LPP: variants seen among roughly 807,000 people sequenced by gnomAD.
The protein encoded by LPP is LIM domain containing preferred translocation partner in lipoma, also known as lipoma-preferred partner.
In LPP, 38 loss-of-function variants were observed where a neutral mutation model predicts 60.4. The observed-to-expected ratio is 0.63, with a 90% CI of 0.49 to 0.83. The LOEUF is 0.83. Among genes scored for constraint, LPP ranks in the 40% least tolerant of loss-of-function variants. The pLI is 0.00. For missense variants in LPP, 902 were observed against 783.6 expected (o/e 1.15, Z -1.80); for synonymous variants, 328 against 290.8 (o/e 1.13, Z -1.30).
chr3:188,563,797 A>G (rs982928685), intron 6 of LPP, among the ~76,000 whole-genome samples: 1 of 148,646 alleles, frequency 6.7e-6, no homozygotes, highest in African/African-American at 2.5e-5. Context: ...TAGAATCCTC[A>G]TCTTAGCTCA....
chr3:188,630,421 T>C (rs1309700942), intron 7 of LPP, among the ~76,000 whole-genome samples: 3 of 152,124 alleles, frequency 2.0e-5, no homozygotes. Flanking sequence ...TGAGATTCCT[T>C]CTGACACCAC....
At chr3:188,806,647 T>G (rs1010201822) in intron 9 of LPP, among the ~76,000 whole-genome samples, 3 of 151,966 alleles carry the variant, frequency 2.0e-5, no homozygotes, top group African/African-American at 7.2e-5. Flanking sequence ...TAAATGTTTT[T>G]CACAATTCCA....
At chr3:188,591,943 T>A (rs1321157566) in intron 6 of LPP, among the ~76,000 whole-genome samples, 1 of 152,204 alleles carries the variant, frequency 6.6e-6, no homozygotes, top group East Asian at 1.9e-4. Flanking sequence ...GAAAGAAGAT[T>A]ATCTGATACA....
At chr3:188,558,903 T>G (rs1830065948) in intron 6 of LPP, among the ~76,000 whole-genome samples, 1 of 152,114 alleles carries the variant, frequency 6.6e-6, no homozygotes, top group Non-Finnish European at 1.5e-5. Context: ...CAGCACTGCT[T>G]TTGTTCTATT....
At chr3:188,738,191 C>T (rs1237686219) in intron 8 of LPP, among the ~76,000 whole-genome samples, 1 of 152,036 alleles carries the variant, frequency 6.6e-6, no homozygotes, top group Non-Finnish European at 1.5e-5. Flanking sequence ...AATGAGTCCC[C>T]GAAAGTGTTT....
At chr3:188,497,402 T>G (rs1191318952) in intron 5 of LPP, among the ~76,000 whole-genome samples, 1 of 152,228 alleles carries the variant, frequency 6.6e-6, no homozygotes, top group African/African-American at 2.4e-5. Context: ...AATTTTAGTA[T>G]TTTCTTCATT....
chr3:188,851,613 A>G (rs1762698503), intron 9 of LPP, among the ~76,000 whole-genome samples: 1 of 152,248 alleles, frequency 6.6e-6, no homozygotes, highest in Admixed American at 6.5e-5. Flanking sequence ...GGCCATGTCC[A>G]AAATTTAATA....
At chr3:188,406,460 G>A (rs758454120) in intron 4 of LPP, 147 bp downstream of exon 4, 13 of 721,942 alleles carry the variant, frequency 1.8e-5, no homozygotes, top group African/African-American at 3.6e-5. Flanking sequence ...AGGAGCCCCC[G>A]GAAATAGTCT....
rs371919896 is a variant in LPP, at chr3:188,717,774, A to G, written c.1240+9381A>G. Reference sequence around the variant, plus strand: ...TAATTCTGAGCATTTTATGTGTTCTATCTTAGCATACATTAATTTTTTATT... The same window carrying G: ...TAATTCTGAGCATTTTATGTGTTCTGTCTTAGCATACATTAATTTTTTATT... On this transcript the variant is annotated intron_variant, in intron 8 of 11. Transcript: ENST00000617246. Among the ~76,000 whole-genome samples the G allele has an allele frequency of 1.9e-4, 29 of 152,298 alleles. No individual in the cohort carries two copies. In the East Asian group the frequency reaches 5.0e-3, roughly 26 times the overall value.
chr3:188,770,319 C>A (rs576495696), intron 9 of LPP, among the ~76,000 whole-genome samples: 1 of 148,880 alleles, frequency 6.7e-6, no homozygotes, highest in Admixed American at 6.7e-5. Flanking sequence ...GTTGGGACTA[C>A]AAGCACCCGC....
At chr3:188,761,258 C>T (rs996927690) in intron 9 of LPP, among the ~76,000 whole-genome samples, 5 of 152,174 alleles carry the variant, frequency 3.3e-5, no homozygotes, top group African/African-American at 1.2e-4. Flanking sequence ...ACAAGGTTCA[C>T]ATTTATTGAA....
chr3:188,544,837 A>G lies in LPP; in HGVS notation c.429+20050A>G, dbSNP rs567663829. Among the ~76,000 whole-genome samples the G allele has an allele frequency of 3.8e-4, 7 of 18,648 alleles. No individual in the cohort carries two copies. In the South Asian group the frequency reaches 8.4e-3, roughly 22 times the overall value. 12.2% of individuals were successfully genotyped at this position (18,648 alleles called of 152,430 possible). ...TATTGCGGCACTATTCACAATAGCAAAGACTTGGAACCAACCCAAATGTCC... is the reference window on the plus strand; with the variant it reads ...TATTGCGGCACTATTCACAATAGCAGAGACTTGGAACCAACCCAAATGTCC... On this transcript the variant is annotated intron_variant, in intron 6 of 11. Coordinates refer to ENST00000617246, the MANE Select transcript of LPP (RefSeq NM_001375462.1).
At chr3:188,294,091 A>G (rs1013834492) in intron 2 of LPP, among the ~76,000 whole-genome samples, 5 of 143,596 alleles carry the variant, frequency 3.5e-5, no homozygotes, top group Admixed American at 7.0e-5. Flanking sequence ...AAAGCCAGTT[A>G]TGAAAGACCA....
At chr3:188,263,026 C>T (rs1050994088) in intron 2 of LPP, among the ~76,000 whole-genome samples, 2 of 151,834 alleles carry the variant, frequency 1.3e-5, no homozygotes, top group African/African-American at 4.8e-5. Flanking sequence ...ATTTTTGTGA[C>T]TATTCAGTAC....
intron 7 of LPP, among the ~76,000 whole-genome samples, chr3:188,689,475 T>A (rs537830534): frequency 5.9e-5 from 9 of 152,242 alleles, no homozygotes; most frequent in South Asian, 2.1e-4. Context: ...CACAGTGGCT[T>A]AGAGGAGGTG....
intron 3 of LPP, among the ~76,000 whole-genome samples, chr3:188,377,536 T>A (rs1320415326): frequency 1.3e-5 from 2 of 152,348 alleles, no homozygotes; most frequent in African/African-American, 4.8e-5. Context: ...GTAGCTCTTG[T>A]GCCTTGGTTT....
At chr3:188,221,835 T>C (rs1715899709) in intron 1 of LPP, among the ~76,000 whole-genome samples, 1 of 152,196 alleles carries the variant, frequency 6.6e-6, no homozygotes. Flanking sequence ...CTCCATGAAA[T>C]ATGAAAATAG....
intron 2 of LPP, among the ~76,000 whole-genome samples, chr3:188,327,615 T>C (rs996113374): frequency 1.3e-5 from 2 of 152,210 alleles, no homozygotes; most frequent in Non-Finnish European, 2.9e-5. Context: ...GAGTATTTTT[T>C]TTACTGACCA....
chr3:188,301,289 C>A (rs951650780), intron 2 of LPP, among the ~76,000 whole-genome samples: 2 of 152,186 alleles, frequency 1.3e-5, no homozygotes, highest in Non-Finnish European at 2.9e-5. Context: ...TTATGAATTT[C>A]TTTATTGCAT....
Sources: gnomAD v4.1 joint callset for allele counts (sites outside exome capture counted in the v4.1 genomes callset) on GRCh38, gnomAD v4.1.1 for gene constraint, MANE v1.5 for transcripts, NCBI Gene and HGNC (gene_info 2026-07-23, HGNC 2026-07-21) for gene names.